The following METTL25 variants were observed in gnomAD, a reference collection of about 807,000 sequenced individuals.
METTL25 encodes probable methyltransferase-like protein 25.
Under a neutral mutation model 71.6 loss-of-function variants are expected in METTL25, and 64 were observed. The observed-to-expected ratio is 0.89, with a 90% CI of 0.73 to 1.10. The LOEUF is 1.10. Among genes scored for constraint, METTL25 ranks in the 50% least tolerant of loss-of-function variants. The pLI is 0.00. For synonymous variants in METTL25, 287 were observed against 250.3 expected, an observed-to-expected ratio of 1.15 and a Z score of -1.38; for missense variants, 807 against 707.0, an observed-to-expected ratio of 1.14 and a Z score of -1.60.
At chr12:82,457,381 A>G (rs771634810) in intron 9 of METTL25, among the ~76,000 whole-genome samples, 1 of 152,010 alleles carries the variant, frequency 6.6e-6, no homozygotes, top group Non-Finnish European at 1.5e-5. Flanking sequence ...TAAAATATTA[A>G]ATGAACTTGG....
At chr12:82,449,772 A>G (rs1322517186) in intron 8 of METTL25, among the ~76,000 whole-genome samples, 3 of 152,152 alleles carry the variant, frequency 2.0e-5, no homozygotes, top group Non-Finnish European at 4.4e-5. Context: ...ATGGTGTATC[A>G]TAGTGCTTAA....
At chr12:82,397,850 T>G (rs1886219541) in intron 3 of METTL25, among the ~76,000 whole-genome samples, 1 of 152,110 alleles carries the variant, frequency 6.6e-6, no homozygotes, top group Admixed American at 6.6e-5. Flanking sequence ...TATGTGTCTG[T>G]TTTTATACTA....
intron 2 of METTL25, 111 bp downstream of exon 2, chr12:82,387,078 T>C (rs1190944930): frequency 2.3e-6 from 2 of 856,868 alleles, no homozygotes; most frequent in African/African-American, 1.7e-5. Context: ...TAGACCTTAA[T>C]ATATAAGCCC....
chr12:82,363,772 CT>C (rs1317999938), intron 1 of METTL25, among the ~76,000 whole-genome samples: 1 of 142,704 alleles, frequency 7.0e-6, no homozygotes, highest in African/African-American at 2.6e-5. Flanking sequence ...ACTTAGGAAA[CT>C]AATTCCAAGT....
intron 3 of METTL25, among the ~76,000 whole-genome samples, chr12:82,390,868 A>G (rs1490657006): frequency 6.6e-6 from 1 of 152,086 alleles, no homozygotes; most frequent in Non-Finnish European, 1.5e-5. Context: ...TGCCATATCA[A>G]AATCTTGGGG....
intron 8 of METTL25, among the ~76,000 whole-genome samples, chr12:82,443,049 G>A (rs918849022): frequency 4.6e-5 from 7 of 151,722 alleles, no homozygotes; most frequent in Non-Finnish European, 1.0e-4. Flanking sequence ...AAGACTAAGA[G>A]CTATGTGGAA....
In METTL25 at chr12:82,479,045, T is replaced by G; in HGVS notation, c.*21T>G. 6.3e-7 allele frequency: 1 copy of G among 1,598,172 alleles called. No homozygotes were observed. Among genetic ancestry groups the G allele is most frequent in the African/African-American group, 1.3e-5 (1 of 74,658 alleles). ...AGTGATTTCCATTGAAGCAAATTAT[T>G]AGATGTATTTCTCTATGAGACCTGT... On this transcript the variant is annotated 3_prime_UTR_variant, in exon 12 of 12. Transcript: ENST00000248306.
At chr12:82,402,658 G>A (rs558297475) in intron 4 of METTL25, among the ~76,000 whole-genome samples, 99 of 152,158 alleles carry the variant, frequency 6.5e-4, no homozygotes, top group African/African-American at 2.4e-3. Context: ...TTTAATGGAC[G>A]TTAAAGTTGA....
chr12:82,389,951 G>A, intron 3 of METTL25, 29 bp downstream of exon 3: 1 of 1,298,934 alleles, frequency 7.7e-7, no homozygotes, highest in Non-Finnish European at 1.1e-6. Context: ...GTTTTTAGGT[G>A]TTAAAATTAT....
chr12:82,461,819 A>G (rs762550098), intron 9 of METTL25, among the ~76,000 whole-genome samples: 2 of 152,242 alleles, frequency 1.3e-5, no homozygotes, highest in African/African-American at 2.4e-5. Flanking sequence ...GACCAAATGT[A>G]TGAAACATTT....
chr12:82,461,184 CAGA>C (rs1465698082), intron 9 of METTL25, among the ~76,000 whole-genome samples: 1 of 152,102 alleles, frequency 6.6e-6, no homozygotes, highest in African/African-American at 2.4e-5. Context: ...AAAATGTTAA[CAGA>C]AGAAAAGAGT....
At chr12:82,369,518 C>T (rs1437937001) in intron 1 of METTL25, 2 of 448,304 alleles carry the variant, frequency 4.5e-6, no homozygotes, top group Admixed American at 2.4e-5. Context: ...CTGGTGGGTT[C>T]ATGGTCCTGC....
intron 9 of METTL25, among the ~76,000 whole-genome samples, chr12:82,467,251 G>C (rs575486714): frequency 2.0e-5 from 3 of 152,028 alleles, no homozygotes; most frequent in Non-Finnish European, 4.4e-5. Context: ...TTGTTTTCTG[G>C]TTGTTTTTTA....
intron 1 of METTL25, among the ~76,000 whole-genome samples, chr12:82,382,030 C>T (rs1884490436): frequency 6.6e-6 from 1 of 152,124 alleles, no homozygotes; most frequent in Non-Finnish European, 1.5e-5. Context: ...GCACAAGAAG[C>T]ATTTCAGGTA....
At chr12:82,463,218 A>T (rs117113832) in intron 9 of METTL25, among the ~76,000 whole-genome samples, 1 of 152,136 alleles carries the variant, frequency 6.6e-6, no homozygotes, top group Non-Finnish European at 1.5e-5. Flanking sequence ...ATCACTGTCT[A>T]TAATGCACTT....
At chr12:82,411,613 A>G (rs1375017738) in intron 5 of METTL25, among the ~76,000 whole-genome samples, 1 of 152,112 alleles carries the variant, frequency 6.6e-6, no homozygotes, top group Non-Finnish European at 1.5e-5. Flanking sequence ...AAGGTATTTG[A>G]TGAGACATCT....
At chr12:82,460,643 T>G (rs1312431608) in intron 9 of METTL25, among the ~76,000 whole-genome samples, 1 of 152,204 alleles carries the variant, frequency 6.6e-6, no homozygotes, top group Non-Finnish European at 1.5e-5. Flanking sequence ...ACAAAATACC[T>G]GATCAGTACT....
chr12:82,421,872 C>T (rs1036783211), intron 5 of METTL25, among the ~76,000 whole-genome samples: 2 of 152,096 alleles, frequency 1.3e-5, no homozygotes, highest in African/African-American at 4.8e-5. Flanking sequence ...CTTAATAGAA[C>T]AATAACAGGC....
intron 8 of METTL25, among the ~76,000 whole-genome samples, chr12:82,451,005 G>A (rs982545721): frequency 1.3e-5 from 2 of 151,926 alleles, no homozygotes; most frequent in Non-Finnish European, 2.9e-5. Context: ...TTATTTATTT[G>A]TGTTGTTGAT....
Sources: gnomAD v4.1 joint callset for allele counts (sites outside exome capture counted in the v4.1 genomes callset) on GRCh38, gnomAD v4.1.1 for gene constraint, MANE v1.5 for transcripts, NCBI Gene and HGNC (gene_info 2026-07-23, HGNC 2026-07-21) for gene names.